GLI2: variants seen among roughly 807,000 people sequenced by gnomAD.
The protein encoded by GLI2 is transcription activator GLI2.
In GLI2, 22 loss-of-function variants were observed where a neutral mutation model predicts 78.9. That is an observed-to-expected ratio of 0.28 (90% CI 0.20 to 0.40). The LOEUF is 0.40. Ranked by LOEUF, GLI2 falls within the 10% of genes least tolerant of loss-of-function variation. GLI2 has a pLI of 1.00. For missense variants in GLI2, 2,097 were observed against 2,213.2 expected, an observed-to-expected ratio of 0.95 and a Z score of 1.05; for synonymous variants, 974 against 963.7, an observed-to-expected ratio of 1.01 and a Z score of -0.20.
intron 1 of GLI2, among the ~76,000 whole-genome samples, chr2:120,738,160 G>C (rs1426976073): frequency 6.6e-6 from 1 of 152,192 alleles, no homozygotes; most frequent in East Asian, 1.9e-4. Flanking sequence ...GAGTTTGGAG[G>C]CTCTTTATTT....
chr2:120,753,771 G>A (rs1425490403), intron 1 of GLI2, among the ~76,000 whole-genome samples: 1 of 151,960 alleles, frequency 6.6e-6, no homozygotes, highest in Non-Finnish European at 1.5e-5. Context: ...GGTGGCGGGC[G>A]CCTGCAGTCT....
chr2:120,759,856 C>T (rs537666404), intron 1 of GLI2, among the ~76,000 whole-genome samples: 2 of 152,210 alleles, frequency 1.3e-5, no homozygotes, highest in Admixed American at 1.3e-4. Context: ...TTACAGTCAA[C>T]TCATCAGCAT....
In GLI2 at chr2:120,988,719, G is replaced by C; in HGVS notation, c.2754G>C (p.Leu918=). The part of the protein sequence containing the change: ...RTLPAGCPRP[L]GPRRGSDGPT... The stretch of plus-strand genomic sequence containing the variant: ...TGCCCGCCGGCTGCCCACGCCCACT[G>C]GGGCCGCGGCGTGGCAGCGACGGGC... Residue 918 remains leucine (L), a synonymous_variant, in exon 14 of 14, where the codon CTG becomes CTC. Coordinates refer to ENST00000361492, the MANE Select transcript of GLI2 (RefSeq NM_001374353.1). The C allele has an allele frequency of 8.3e-7, 1 of 1,200,272 alleles. No individual in the cohort carries two copies. Among genetic ancestry groups the C allele is most frequent in the Non-Finnish European group, 1.0e-6 (1 of 965,068 alleles). 74.4% of individuals were successfully genotyped at this position (1,200,272 alleles called of 1,614,324 possible).
At chr2:120,987,838 G>A (rs2105082718) in intron 13 of GLI2, among the ~76,000 whole-genome samples, 1 of 152,342 alleles carries the variant, frequency 6.6e-6, no homozygotes, top group East Asian at 1.9e-4. Flanking sequence ...GTAAAGTGAA[G>A]ATAGGGACTT....
intron 2 of GLI2, among the ~76,000 whole-genome samples, chr2:120,820,005 AG>A (rs1274233373): frequency 6.6e-6 from 1 of 152,174 alleles, no homozygotes; most frequent in African/African-American, 2.4e-5. Flanking sequence ...CACAGGCAGC[AG>A]GATGGCCAGC....
At chr2:120,741,953 C>A (rs887749970) in intron 1 of GLI2, among the ~76,000 whole-genome samples, 1 of 152,184 alleles carries the variant, frequency 6.6e-6, no homozygotes, top group Admixed American at 6.5e-5. Context: ...CGGCTCCCAC[C>A]CGGGAAGGGC....
In GLI2 at chr2:120,989,438, A is replaced by G; in HGVS notation, c.3473A>G (p.Gln1158Arg). 1.2e-6 allele frequency: 2 copies of G among 1,613,068 alleles called. No homozygotes were observed. Among genetic ancestry groups the G allele is most frequent in the Non-Finnish European group, 1.7e-6 (2 of 1,179,998 alleles). ...PFPQGNLAVV[Q>R]QKPAFGQYPG... ...CCTCAGGGCAACCTGGCGGTGGTGC[A>G]GCAGAAGCCTGCCTTTGGCCAGTAC... Residue 1158 changes from glutamine to arginine, a missense_variant, in exon 14 of 14, where the codon CAG becomes CGG. By Grantham distance (43) the Gln-to-Arg change is conservative (BLOSUM62 1). Transcript: ENST00000361492.
intron 2 of GLI2, among the ~76,000 whole-genome samples, chr2:120,905,623 ACCTGGG>A (rs1678485339): frequency 6.6e-6 from 1 of 152,148 alleles, no homozygotes; most frequent in Non-Finnish European, 1.5e-5. Flanking sequence ...GACCAGGCTG[ACCTGGG>A]CAGGCCTCTG....
At chr2:120,988,078 A>C in intron 13 of GLI2, 130 bp from the exon 14 acceptor site, 1 of 719,302 alleles carries the variant, frequency 1.4e-6, no homozygotes, top group Non-Finnish European at 2.2e-6. Context: ...GAAAGAAAGC[A>C]TGCATCTCCT....
chr2:120,799,460 C>T (rs1684581290), intron 2 of GLI2, among the ~76,000 whole-genome samples: 1 of 152,186 alleles, frequency 6.6e-6, no homozygotes, highest in African/African-American at 2.4e-5. Context: ...GCCTCCTCAC[C>T]CATCGCTGCT....
chr2:120,800,339 G>A lies in GLI2; in HGVS notation c.148+2871G>A, dbSNP rs894151758. ...TTTGCTGGGGGCAGGAGCAGACTGAGTCGACTCCCCTGTTGCTGCGCAGGT... is the reference window on the plus strand; with the variant it reads ...TTTGCTGGGGGCAGGAGCAGACTGAATCGACTCCCCTGTTGCTGCGCAGGT... On this transcript the variant is annotated intron_variant, in intron 2 of 13. Transcript: ENST00000361492. The surrounding 1 kb of genome is among the most constrained non-coding windows in gnomAD (Gnocchi z 4.1). 3.9e-5 allele frequency among the ~76,000 whole-genome samples: 6 copies of A among 152,108 alleles called. No homozygotes were observed. The highest frequency in any genetic ancestry group is 1.4e-4 in the African/African-American group (6 of 41,424).
chr2:120,872,449 A>T (rs1389830506), intron 2 of GLI2, among the ~76,000 whole-genome samples: 1 of 152,190 alleles, frequency 6.6e-6, no homozygotes, highest in Non-Finnish European at 1.5e-5. Flanking sequence ...GGGCTGCAGG[A>T]TGCATAGAAT....
chr2:120,881,783 GAGAACAGT>G (rs1677160526), intron 2 of GLI2, among the ~76,000 whole-genome samples: 1 of 1,298 alleles, frequency 7.7e-4, no homozygotes, highest in Non-Finnish European at 1.7e-3. Context: ...GAACAGTGGG[GAGAACAGT>G]GGGAGAAGAC....
intron 2 of GLI2, among the ~76,000 whole-genome samples, chr2:120,816,342 C>A (rs960588595): frequency 6.6e-6 from 1 of 152,010 alleles, no homozygotes; most frequent in African/African-American, 2.4e-5. Flanking sequence ...ATTACAGGTG[C>A]GTGCCATCAT....
chr2:120,784,504 G>A (rs1683938954), intron 1 of GLI2, among the ~76,000 whole-genome samples: 1 of 152,010 alleles, frequency 6.6e-6, no homozygotes, highest in African/African-American at 2.4e-5. Context: ...AGGCTGAGGG[G>A]GCAGGGAGGG....
chr2:120,766,616 G>A (rs1343713094), intron 1 of GLI2, among the ~76,000 whole-genome samples: 1 of 152,228 alleles, frequency 6.6e-6, no homozygotes, highest in Non-Finnish European at 1.5e-5. Flanking sequence ...CAGCGGAGGA[G>A]CATTAGCTCT....
intron 2 of GLI2, among the ~76,000 whole-genome samples, chr2:120,923,561 CACAT>C (rs912316417): frequency 3.3e-5 from 5 of 152,024 alleles, no homozygotes; most frequent in African/African-American, 1.2e-4. Flanking sequence ...ATACAGCACA[CACAT>C]ACACAGCAAC....
chr2:120,809,975 A>C (rs1685161172), intron 2 of GLI2, among the ~76,000 whole-genome samples: 1 of 152,170 alleles, frequency 6.6e-6, no homozygotes, highest in Non-Finnish European at 1.5e-5. Context: ...GCGGTCAGGC[A>C]GGTGCTGAGA....
At chr2:120,742,029 G>A (rs1307644322) in intron 1 of GLI2, among the ~76,000 whole-genome samples, 3 of 152,230 alleles carry the variant, frequency 2.0e-5, no homozygotes, top group East Asian at 1.9e-4. Context: ...CCTCTTGCCC[G>A]CTTCCCCAGG....
Sources: allele counts gnomAD v4.1 joint callset (sites outside exome capture counted in the v4.1 genomes callset), GRCh38; gene constraint gnomAD v4.1.1; non-coding constraint Gnocchi (gnomAD v3.1); transcripts MANE v1.5; gene names NCBI Gene and HGNC (gene_info 2026-07-23, HGNC 2026-07-21).